Variants in MBD5 observed in about 807,000 individuals in gnomAD.
The protein encoded by MBD5 is methyl-CpG-binding domain protein 5.
In MBD5, 13 loss-of-function variants were observed where a neutral mutation model predicts 117.3. The observed-to-expected ratio is 0.11, with a 90% CI of 0.07 to 0.18. MBD5 has a LOEUF of 0.18. Among genes scored for constraint, MBD5 ranks in the 10% least tolerant of loss-of-function variants. The pLI is 1.00. For synonymous variants in MBD5, 727 were observed against 766.4 expected (o/e 0.95, Z 0.85); for missense variants, 1,879 against 2,093.8 (o/e 0.90, Z 2.00).
intron 8 of MBD5, among the ~76,000 whole-genome samples, chr2:148,475,610 G>A (rs541105854): frequency 6.6e-6 from 1 of 152,218 alleles, no homozygotes; most frequent in East Asian, 1.9e-4. Flanking sequence ...TGCAAATTGG[G>A]AGAATTTTAT....
rs987345322 is a variant in MBD5, at chr2:148,145,961, C to A, written c.-924-32739C>A. Among the ~76,000 whole-genome samples the A allele has an allele frequency of 2.6e-5, 4 of 152,270 alleles. No individual in the cohort carries two copies. The South Asian group carries it at 8.3e-4, about 32-fold the overall frequency. ...TTTGGTATCAGGATGATGTTGGCCTCATAAAATGAGTTAGGGCGGATTCTC... is the reference window on the plus strand; with the variant it reads ...TTTGGTATCAGGATGATGTTGGCCTAATAAAATGAGTTAGGGCGGATTCTC... On this transcript the variant is annotated intron_variant, in intron 1 of 13. Coordinates refer to ENST00000642680, the MANE Select transcript of MBD5 (RefSeq NM_001378120.1).
At chr2:148,314,666 G>C (rs1387105288) in intron 3 of MBD5, among the ~76,000 whole-genome samples, 1 of 151,976 alleles carries the variant, frequency 6.6e-6, no homozygotes, top group Non-Finnish European at 1.5e-5. Context: ...ACGAGATCCA[G>C]CGCATTCAGG....
chr2:148,469,434 A>T lies in MBD5; in HGVS notation c.1491A>T (p.Ile497=). The T allele has an allele frequency of 1.2e-6, 2 of 1,613,898 alleles. No homozygotes were observed. Among genetic ancestry groups the T allele is most frequent in the South Asian group, 1.1e-5 (1 of 91,072 alleles). ...CACCCAGGTCACCAAGGTCAACAAT[A>T]GGGTCCCCAAGGCCATCAATGCCAT... ...KVPPRSPRST[I]GSPRPSMPSS... is the part of the protein sequence containing the mutation. Residue 497 remains isoleucine, a synonymous_variant, in exon 8 of 14, where the codon ATA becomes ATT. Coordinates refer to ENST00000642680, the MANE Select transcript of MBD5 (RefSeq NM_001378120.1).
chr2:148,410,531 G>A (rs1358012520), intron 4 of MBD5, among the ~76,000 whole-genome samples: 3 of 152,162 alleles, frequency 2.0e-5, no homozygotes, highest in Non-Finnish European at 4.4e-5. Flanking sequence ...TCTGGCTCAA[G>A]CAATCCTCCT....
chr2:148,508,227 A>G (rs1043723436), intron 12 of MBD5, among the ~76,000 whole-genome samples: 1 of 152,168 alleles, frequency 6.6e-6, no homozygotes, highest in Non-Finnish European at 1.5e-5. Flanking sequence ...CCATGAGATG[A>G]CCAGGGCCCC....
intron 4 of MBD5, among the ~76,000 whole-genome samples, chr2:148,387,179 G>T (rs534114522): frequency 6.6e-6 from 1 of 152,202 alleles, no homozygotes; most frequent in South Asian, 2.1e-4. Flanking sequence ...AGCCGACTGA[G>T]TATAATAATG....
In MBD5 at chr2:148,330,022, T is replaced by A. The variant is rs60639125; in HGVS notation, c.-679-12192T>A. On this transcript the variant is annotated intron_variant, in intron 3 of 13. Transcript: ENST00000642680. ...AGGCAAGAGTTAAGACTTCCTTGGTTGTAGGTAAGAACCCCCCCCCGCCCC... is the reference window on the plus strand; with the variant it reads ...AGGCAAGAGTTAAGACTTCCTTGGTAGTAGGTAAGAACCCCCCCCCGCCCC... Among the ~76,000 whole-genome samples, 373 of 127,316 alleles carry A rather than the reference T, an allele frequency of 2.9e-3. 3 individuals are homozygous for A. The highest frequency in any genetic ancestry group is 0.01 in the African/African-American group (351 of 34,394). The allele number at this position is 127,316 out of a possible 152,430, so 83.5% of individuals were successfully genotyped here.
chr2:148,042,577 T>C (rs1020760469), intron 1 of MBD5, among the ~76,000 whole-genome samples: 15 of 152,138 alleles, frequency 9.9e-5, no homozygotes, highest in Admixed American at 3.3e-4. Context: ...AACACAGCTT[T>C]ATAATTCCTC....
intron 4 of MBD5, among the ~76,000 whole-genome samples, chr2:148,420,392 C>T (rs984685738): frequency 8.5e-5 from 13 of 152,148 alleles, no homozygotes; most frequent in African/African-American, 3.1e-4. Flanking sequence ...AACTTCAAAA[C>T]CCATCTCCTA....
intron 1 of MBD5, among the ~76,000 whole-genome samples, chr2:148,095,272 A>C (rs768651848): frequency 1.3e-5 from 2 of 152,186 alleles, no homozygotes; most frequent in South Asian, 2.1e-4. Context: ...ACATTTTTTA[A>C]AGTACTTGAA....
Position 148,475,458 on chromosome 2 carries a change from TA to T in MBD5, c.2518+5007del, listed in dbSNP as rs951715116. ...TTCCAGGTTTAACGTTTCCTTGTAT[TA>T]AAAAAAAAAGGAGTTAAAATATGTT... is the stretch of plus-strand genomic sequence containing the variant. On this transcript the variant is annotated intron_variant, in intron 8 of 13. Transcript: ENST00000642680. 5.5e-3 allele frequency among the ~76,000 whole-genome samples: 814 copies of T among 147,980 alleles called. 11 individuals carry two copies. The highest frequency in any genetic ancestry group is 0.019 in the African/African-American group (750 of 40,496).
chr2:148,120,865 T>G (rs992310874), intron 1 of MBD5, among the ~76,000 whole-genome samples: 1 of 152,220 alleles, frequency 6.6e-6, no homozygotes, highest in African/African-American at 2.4e-5. Flanking sequence ...AGAGAAAGCA[T>G]GTAGTGCCTC....
At chr2:148,108,478 G>T (rs1014411816) in intron 1 of MBD5, among the ~76,000 whole-genome samples, 3 of 151,066 alleles carry the variant, frequency 2.0e-5, no homozygotes, top group African/African-American at 7.3e-5. Context: ...GTAGCCTTTT[G>T]TGGTCCCAGC....
intron 4 of MBD5, among the ~76,000 whole-genome samples, chr2:148,386,709 A>C (rs1704378676): frequency 1.8e-5 from 2 of 109,050 alleles, no homozygotes; most frequent in African/African-American, 7.6e-5. Context: ...ACAGAGCGAG[A>C]CTCCGTCTCA....
At chr2:148,198,453 A>G (rs1258250552) in intron 2 of MBD5, among the ~76,000 whole-genome samples, 1 of 152,144 alleles carries the variant, frequency 6.6e-6, no homozygotes, top group Non-Finnish European at 1.5e-5. Flanking sequence ...TACATAAAGC[A>G]TTTGGTGAGG....
intron 1 of MBD5, among the ~76,000 whole-genome samples, chr2:148,164,203 G>A (rs1235552677): frequency 1.3e-5 from 2 of 152,192 alleles, no homozygotes; most frequent in African/African-American, 4.8e-5. Flanking sequence ...TTGTAATGTA[G>A]CCTCTATAAC....
intron 3 of MBD5, among the ~76,000 whole-genome samples, chr2:148,265,943 T>TA (rs2106321844): frequency 6.6e-6 from 1 of 152,172 alleles, no homozygotes; most frequent in South Asian, 2.1e-4. Context: ...AAAAAATGCT[T>TA]AAATAAATTT....
intron 1 of MBD5, among the ~76,000 whole-genome samples, chr2:148,036,555 T>TAG (rs1310352819): frequency 2.0e-5 from 3 of 152,134 alleles, no homozygotes; most frequent in African/African-American, 7.2e-5. Flanking sequence ...AGCCATCCCT[T>TAG]AGGACATTTA....
rs1385585612 is a variant in MBD5, at chr2:148,281,377, T to A, written c.-680+47982T>A. On this transcript the variant is annotated intron_variant, in intron 3 of 13. Transcript: ENST00000642680. ...ATATATCCTGTCTACTAGGATTTTC[T>A]TTTTCAAATAATAAATTTCAATTTC... 2.0e-5 allele frequency among the ~76,000 whole-genome samples: 3 copies of A among 152,180 alleles called. No homozygotes were observed. The East Asian group carries it at 5.8e-4, about 29-fold the overall frequency.
Sources: allele counts gnomAD v4.1 joint callset (sites outside exome capture counted in the v4.1 genomes callset), GRCh38; gene constraint gnomAD v4.1.1; transcripts MANE v1.5; gene names NCBI Gene and HGNC (gene_info 2026-07-23, HGNC 2026-07-21).